MYO9A: variants seen among roughly 807,000 people sequenced by gnomAD.
MYO9A encodes the protein unconventional myosin-IXa.
A neutral mutation model predicts 293.3 loss-of-function variants in MYO9A; 103 were observed. That is an observed-to-expected ratio of 0.35 (90% CI 0.30 to 0.41). MYO9A has a LOEUF of 0.41. MYO9A is among the 10% of genes least tolerant of loss of function. MYO9A has a pLI of 1.00. For missense variants in MYO9A, 2,685 were observed against 3,033.0 expected, an observed-to-expected ratio of 0.89 and a Z score of 2.69; for synonymous variants, 1,001 against 1,035.7, an observed-to-expected ratio of 0.97 and a Z score of 0.64.
At position 71,904,962 on chromosome 15, in the gene MYO9A, T is replaced by C. The variant is rs777050828; in HGVS notation, c.2730A>G (p.Pro910=). Residue 910 remains proline (P), a synonymous_variant, in exon 20 of 42, where the codon CCA becomes CCG. Coordinates refer to ENST00000356056, the MANE Select transcript of MYO9A (RefSeq NM_006901.4). ...KLMETLGQAE[P]YFVKCIRSNA... Reference sequence around the variant, plus strand: ...TAGAGCGAATGCATTTTACAAAATATGGTTCTGCTTGACCAAGTGTTTCCA... The same window carrying C: ...TAGAGCGAATGCATTTTACAAAATACGGTTCTGCTTGACCAAGTGTTTCCA... 2.4e-5 allele frequency: 39 copies of C among 1,605,910 alleles called. No individual in the cohort carries two copies. Among genetic ancestry groups the C allele is most frequent in the Non-Finnish European group, 3.2e-5 (38 of 1,174,800 alleles).
chr15:71,915,672 C>A (rs1264278420), intron 19 of MYO9A, among the ~76,000 whole-genome samples: 1 of 152,064 alleles, frequency 6.6e-6, no homozygotes, highest in Non-Finnish European at 1.5e-5. Context: ...ATACACCTAT[C>A]ATGAATAAGG....
At chr15:72,101,025 TCAGCCCCCCGCC>T (rs1180798472) in intron 1 of MYO9A, among the ~76,000 whole-genome samples, 20 of 115,098 alleles carry the variant, frequency 1.7e-4, no homozygotes, top group Admixed American at 4.3e-4. Flanking sequence ...GGTAGGCGGG[TCAGCCCCCCGCC>T]CGGCCAGCCG....
chr15:72,002,092 T>C (rs975377375), intron 8 of MYO9A, among the ~76,000 whole-genome samples: 4 of 151,994 alleles, frequency 2.6e-5, no homozygotes, highest in Non-Finnish European at 5.9e-5. Context: ...TCCTCTCTAC[T>C]AAAAATAAAA....
intron 32 of MYO9A, among the ~76,000 whole-genome samples, chr15:71,866,450 A>C (rs1398684151): frequency 6.6e-6 from 1 of 152,016 alleles, no homozygotes; most frequent in East Asian, 1.9e-4. Flanking sequence ...GGATCACTTG[A>C]GCTCAGGAGT....
At position 71,888,016 on chromosome 15, in the gene MYO9A, T is replaced by A. The variant is rs751904422; in HGVS notation, c.5243A>T (p.Asp1748Val). The A allele has an allele frequency of 6.3e-7, 1 of 1,581,306 alleles. No individual in the cohort carries two copies. The highest frequency in any genetic ancestry group is 1.1e-5 in the South Asian group (1 of 89,590). The change falls in exon 27 of 42, where the codon GAT (aspartate) becomes GTT (valine). Residue 1748 changes from aspartate (D) to valine (V), a missense_variant. Asp to Val is a radical substitution (Grantham distance 152). Transcript: ENST00000356056. Reference protein sequence around the residue: ...TKLAVRQKASDSDIRPQRAKM... With the variant: ...TKLAVRQKASVSDIRPQRAKM... ...GTATACTTTATACCTTATATCTGAA[T>A]CTGAAGCCTTCTGTCTCACTGCCAA...
chr15:71,851,388 T>C (rs1431935718), intron 36 of MYO9A, 30 bp from the exon 37 acceptor site: 2 of 1,539,090 alleles, frequency 1.3e-6, no homozygotes, highest in Non-Finnish European at 9.0e-7. Context: ...AAACTAAGAC[T>C]AAATATCCCC....
At chr15:72,043,699 A>G (rs934162110) in intron 2 of MYO9A, among the ~76,000 whole-genome samples, 1 of 152,160 alleles carries the variant, frequency 6.6e-6, no homozygotes, top group Non-Finnish European at 1.5e-5. Flanking sequence ...GGCTGAGAGG[A>G]GCGTGAAAGA....
chr15:71,939,521 C>T (rs2058719956), intron 15 of MYO9A, among the ~76,000 whole-genome samples: 1 of 152,196 alleles, frequency 6.6e-6, no homozygotes, highest in Non-Finnish European at 1.5e-5. Flanking sequence ...CATGTTCCCA[C>T]AAAAGACATG....
At chr15:72,096,690 C>A (rs2080075174) in intron 1 of MYO9A, among the ~76,000 whole-genome samples, 1 of 152,150 alleles carries the variant, frequency 6.6e-6, no homozygotes, top group African/African-American at 2.4e-5. Context: ...AGTGATTCCC[C>A]TTATGGATCT....
At chr15:72,077,692 T>A (rs2079398689) in intron 1 of MYO9A, among the ~76,000 whole-genome samples, 1 of 142,032 alleles carries the variant, frequency 7.0e-6, no homozygotes, top group African/African-American at 2.7e-5. Flanking sequence ...ATCATGCCAT[T>A]GCACTCCAGC....
At chr15:71,904,782 A>G in intron 20 of MYO9A, 144 bp downstream of exon 20, 1 of 455,950 alleles carries the variant, frequency 2.2e-6, no homozygotes, top group Non-Finnish European at 3.7e-6. Context: ...GTGTGGAAAA[A>G]TCCATTTAAA....
chr15:72,079,424 A>G (rs935228756), intron 1 of MYO9A, among the ~76,000 whole-genome samples: 1 of 152,152 alleles, frequency 6.6e-6, no homozygotes, highest in South Asian at 2.1e-4. Flanking sequence ...TTAAAACTTA[A>G]TTTTTTAAAA....
At chr15:72,051,150 A>T (rs2078548929) in intron 1 of MYO9A, among the ~76,000 whole-genome samples, 1 of 152,128 alleles carries the variant, frequency 6.6e-6, no homozygotes, top group Non-Finnish European at 1.5e-5. Flanking sequence ...CTGCAGCCTC[A>T]ACCTTCTGGA....
intron 1 of MYO9A, among the ~76,000 whole-genome samples, chr15:72,078,391 C>G (rs1400237927): frequency 6.6e-6 from 1 of 151,822 alleles, no homozygotes; most frequent in Non-Finnish European, 1.5e-5. Context: ...ACTCAGGAGG[C>G]TGAAGTGAGA....
At chr15:71,934,537 G>A (rs1271537459) in intron 17 of MYO9A, among the ~76,000 whole-genome samples, 1 of 151,914 alleles carries the variant, frequency 6.6e-6, no homozygotes, top group East Asian at 1.9e-4. Flanking sequence ...CTAGCTAGCG[G>A]TCAAACGATA....
chr15:72,057,447 T>G (rs978099877), intron 1 of MYO9A, among the ~76,000 whole-genome samples: 2 of 152,190 alleles, frequency 1.3e-5, no homozygotes, highest in African/African-American at 4.8e-5. Context: ...AATTACTGTT[T>G]TCCTTTGAAA....
At chr15:72,115,158 C>CT in intron 1 of MYO9A, among the ~76,000 whole-genome samples, 1 of 152,282 alleles carries the variant, frequency 6.6e-6, no homozygotes, top group East Asian at 1.9e-4. Flanking sequence ...TTTAAAGGCA[C>CT]TTAATCATGT....
chr15:72,103,073 G>A (rs1292843305), intron 1 of MYO9A, among the ~76,000 whole-genome samples: 3 of 143,604 alleles, frequency 2.1e-5, no homozygotes, highest in East Asian at 2.2e-4. Context: ...CTCCACTCCC[G>A]GGTTCAAGTG....
intron 11 of MYO9A, among the ~76,000 whole-genome samples, chr15:71,990,281 C>T (rs986980677): frequency 2.0e-5 from 3 of 151,740 alleles, no homozygotes; most frequent in Non-Finnish European, 4.4e-5. Flanking sequence ...GACAGGGTTT[C>T]GCCATGCTGC....
Sources: allele counts gnomAD v4.1 joint callset (sites outside exome capture counted in the v4.1 genomes callset), GRCh38; gene constraint gnomAD v4.1.1; transcripts MANE v1.5; gene names NCBI Gene and HGNC (gene_info 2026-07-23, HGNC 2026-07-21).